Variants in INTS14 observed in about 807,000 individuals in gnomAD.
INTS14 encodes integrator complex subunit 14.
INTS14 carries 27 observed loss-of-function variants against 56.9 expected under a neutral mutation model. That is an observed-to-expected ratio of 0.47 (90% CI 0.35 to 0.65). INTS14 has a LOEUF of 0.65. INTS14 is among the 30% of genes least tolerant of loss of function. The probability of loss-of-function intolerance (pLI) is 0.00; values close to 1 mark genes in which losing one functional copy is unlikely to be tolerated. For missense variants in INTS14, 517 were observed against 632.2 expected (o/e 0.82, Z 1.95); for synonymous variants, 207 against 236.2 (o/e 0.88, Z 1.13).
At position 65,598,877 on chromosome 15, in the gene INTS14, C is replaced by T; in HGVS notation, c.600G>A (p.Met200Ile). The T allele has an allele frequency of 2.5e-6, 4 of 1,612,362 alleles. No homozygotes were observed. The highest frequency in any genetic ancestry group is 2.7e-5 in the African/African-American group (2 of 74,970). The change falls in exon 5 of 12, where the codon ATG becomes ATA. Residue 200 changes from methionine to isoleucine, a missense_variant. Physicochemically the swap from Met to Ile is conservative, Grantham distance 10. Coordinates refer to ENST00000313182, the MANE Select transcript of INTS14 (RefSeq NM_001394796.1). ...GPLCLKNVQSMFGKLIDLAYT... is the reference protein window; with the variant it reads ...GPLCLKNVQSIFGKLIDLAYT... Reference sequence around the variant, plus strand: ...AGCTCTAAGCATATACTCACCCAAACATAGACTGTACATTCTTCAAGCACA... The same window carrying T: ...AGCTCTAAGCATATACTCACCCAAATATAGACTGTACATTCTTCAAGCACA...
chr15:65,609,055 G>C (rs1271913472), intron 1 of INTS14, among the ~76,000 whole-genome samples: 1 of 152,188 alleles, frequency 6.6e-6, no homozygotes, highest in Non-Finnish European at 1.5e-5. Flanking sequence ...GAGTAGCCAG[G>C]ACTACAGGCG....
At chr15:65,610,879 T>C in intron 1 of INTS14, 1 of 1,501,612 alleles carries the variant, frequency 6.7e-7, no homozygotes, top group South Asian at 1.3e-5. Context: ...GAGGGCGAAA[T>C]CGTGCAGTTT....
intron 10 of INTS14, among the ~76,000 whole-genome samples, chr15:65,582,909 T>C (rs1290718061): frequency 6.6e-6 from 1 of 152,008 alleles, no homozygotes; most frequent in Non-Finnish European, 1.5e-5. Flanking sequence ...CTCCAAATAA[T>C]ATACACAAAT....
chr15:65,596,474 A>G (rs1052240151), intron 6 of INTS14, among the ~76,000 whole-genome samples: 1 of 152,232 alleles, frequency 6.6e-6, no homozygotes, highest in Non-Finnish European at 1.5e-5. Flanking sequence ...ATCTCTATTA[A>G]TATTTTATTG....
intron 1 of INTS14, chr15:65,610,743 T>C: frequency 1.3e-6 from 2 of 1,535,680 alleles, no homozygotes; most frequent in Non-Finnish European, 1.7e-6. Flanking sequence ...TCAGATATAA[T>C]TTCATCTCTA....
At chr15:65,584,677 G>C in intron 10 of INTS14, 93 bp downstream of exon 10, 1 of 1,041,866 alleles carries the variant, frequency 9.6e-7, no homozygotes, top group Non-Finnish European at 1.4e-6. Context: ...GAATTACTAA[G>C]TATCAAAGGA....
intron 10 of INTS14, among the ~76,000 whole-genome samples, chr15:65,583,866 C>A (rs2072720184): frequency 6.6e-6 from 1 of 152,150 alleles, no homozygotes; most frequent in African/African-American, 2.4e-5. Context: ...GATTTTCCAA[C>A]AAAGAGGCCC....
At chr15:65,606,329 C>T (rs2073649405) in intron 2 of INTS14, among the ~76,000 whole-genome samples, 1 of 149,812 alleles carries the variant, frequency 6.7e-6, no homozygotes, top group African/African-American at 2.4e-5. Context: ...TTAAAAAATT[C>T]AAACTCTATT....
intron 5 of INTS14, 150 bp from the exon 6 acceptor site, chr15:65,598,613 T>A: frequency 1.1e-6 from 1 of 929,120 alleles, no homozygotes; most frequent in Non-Finnish European, 1.6e-6. Flanking sequence ...ACATTTTTGG[T>A]GAGGAAATTT....
chr15:65,588,119 T>A lies in INTS14; in HGVS notation c.1121-3231A>T, dbSNP rs572436450. Among the ~76,000 whole-genome samples, 89 of 150,812 alleles carry A rather than the reference T, an allele frequency of 5.9e-4. 1 individual carries two copies. In the South Asian group the frequency reaches 0.018, roughly 31 times the overall value. ...GCCTGGCCAACATGGTGAAACCCCG[T>A]ACCTACTAAAAATACAAAAATCAGC... is the stretch of plus-strand genomic sequence containing the variant. On this transcript the variant is annotated intron_variant, in intron 9 of 11. Transcript: ENST00000313182.
chr15:65,599,957 T>TG (rs2073366688), intron 3 of INTS14, 28 bp from the exon 4 acceptor site: 3 of 1,601,166 alleles, frequency 1.9e-6, no homozygotes, highest in Non-Finnish European at 2.6e-6. Flanking sequence ...GAGAGGAGGT[T>TG]GTACATTAAA....
chr15:65,600,274 G>A (rs1429412557), intron 3 of INTS14, among the ~76,000 whole-genome samples: 1 of 147,702 alleles, frequency 6.8e-6, no homozygotes, highest in Non-Finnish European at 1.5e-5. Flanking sequence ...TCACATCACT[G>A]TACTCCAGCC....
rs748910708 is a variant in INTS14, at chr15:65,598,412, G to A, written c.657C>T (p.Gly219=). The stretch of plus-strand genomic sequence containing the variant: ...AGACTTGTACATCAGCAGTTAGGTG[G>A]CCACACTTGAGAACAGCATGGAAAG... ...YTPFHAVLKC[G]HLTADVQVFP... Residue 219 remains glycine (G), a synonymous_variant, in exon 6 of 12, where the codon GGC becomes GGT. Transcript: ENST00000313182. 3.1e-6 allele frequency: 5 copies of A among 1,613,930 alleles called. No homozygotes were observed. In the African/African-American group the frequency reaches 5.3e-5, roughly 17 times the overall value.
At chr15:65,608,992 G>T (rs1490806249) in intron 1 of INTS14, among the ~76,000 whole-genome samples, 4 of 152,188 alleles carry the variant, frequency 2.6e-5, no homozygotes, top group Admixed American at 1.3e-4. Context: ...CCGCCTCCCG[G>T]GTTCACGCCA....
At chr15:65,604,575 A>T (rs1484374867) in intron 3 of INTS14, among the ~76,000 whole-genome samples, 1 of 151,942 alleles carries the variant, frequency 6.6e-6, no homozygotes, top group Non-Finnish European at 1.5e-5. Flanking sequence ...CAAAAAATGT[A>T]AAAAATTAGC....
intron 4 of INTS14, chr15:65,599,449 C>G (rs931251509): frequency 5.7e-5 from 12 of 209,050 alleles, no homozygotes; most frequent in Non-Finnish European, 1.0e-4. Context: ...TCAAAGCACA[C>G]TCTTGTCAAC....
intron 10 of INTS14, among the ~76,000 whole-genome samples, chr15:65,582,891 A>G (rs956944853): frequency 6.6e-5 from 10 of 152,216 alleles, no homozygotes; most frequent in African/African-American, 2.4e-4. Flanking sequence ...GAACTTGAGT[A>G]TATACTTCTC....
chr15:65,582,670 C>T (rs2072669143), intron 10 of INTS14, among the ~76,000 whole-genome samples: 1 of 152,088 alleles, frequency 6.6e-6, no homozygotes, highest in African/African-American at 2.4e-5. Context: ...TAAGACAGCA[C>T]AAAGCACAAA....
chr15:65,581,335 G>C (rs1418816756), intron 11 of INTS14, among the ~76,000 whole-genome samples: 7 of 139,250 alleles, frequency 5.0e-5, no homozygotes, highest in African/African-American at 2.0e-4. Flanking sequence ...AGCTGAGATC[G>C]TGCTACTGCA....
Sources: allele counts gnomAD v4.1 joint callset (sites outside exome capture counted in the v4.1 genomes callset), GRCh38; gene constraint gnomAD v4.1.1; transcripts MANE v1.5; gene names NCBI Gene and HGNC (gene_info 2026-07-23, HGNC 2026-07-21).